Variants in VRK2 observed in about 807,000 individuals in gnomAD.
VRK2 encodes the protein VRK serine/threonine kinase 2, also known as serine/threonine-protein kinase VRK2.
VRK2 carries 60 observed loss-of-function variants against 57.6 expected under a neutral mutation model. The ratio of observed to expected loss-of-function variants is 1.04; its 90% confidence interval spans 0.85 to 1.29. The LOEUF is 1.29. Ranked by LOEUF, VRK2 falls within the 50% of genes most tolerant of loss-of-function variation. VRK2 has a pLI of 0.00. For synonymous variants in VRK2, 231 were observed against 199.2 expected, an observed-to-expected ratio of 1.16 and a Z score of -1.35; for missense variants, 705 against 588.1, an observed-to-expected ratio of 1.20 and a Z score of -2.06.
At chr2:58,072,426 G>C (rs754719369) in intron 2 of VRK2, among the ~76,000 whole-genome samples, 15 of 151,746 alleles carry the variant, frequency 9.9e-5, no homozygotes, top group Non-Finnish European at 1.9e-4. Context: ...TTTTTTTATC[G>C]AGTTGAGAAA....
At chr2:58,080,412 GTATT>G (rs1156703538) in intron 2 of VRK2, among the ~76,000 whole-genome samples, 2 of 151,944 alleles carry the variant, frequency 1.3e-5, no homozygotes, top group African/African-American at 4.8e-5. Context: ...TTGTTTCAAT[GTATT>G]TATTGTCTGC....
At chr2:58,102,464 A>G (rs1258897493) in intron 7 of VRK2, among the ~76,000 whole-genome samples, 1 of 150,744 alleles carries the variant, frequency 6.6e-6, no homozygotes, top group Non-Finnish European at 1.5e-5. Flanking sequence ...CTTGTATCAG[A>G]TAAAACAGGC....
chr2:58,150,195 C>T (rs1682789906), intron 12 of VRK2, among the ~76,000 whole-genome samples: 1 of 151,198 alleles, frequency 6.6e-6, no homozygotes, highest in African/African-American at 2.4e-5. Flanking sequence ...TAAGATTTGC[C>T]TTTCTTAAAT....
intron 7 of VRK2, among the ~76,000 whole-genome samples, chr2:58,119,797 A>C (rs1677147045): frequency 6.6e-6 from 1 of 151,638 alleles, no homozygotes; most frequent in South Asian, 2.1e-4. Flanking sequence ...ATATTTGTAT[A>C]AATATTTTGA....
In VRK2 at chr2:58,019,369, T is replaced by C. The variant is rs137995377; in HGVS notation, c.-438-6296T>C. On this transcript the variant is annotated intron_variant, in intron 1 of 15. Transcript: ENST00000417641. The stretch of plus-strand genomic sequence containing the variant: ...GCAGTGGTCCCATACATGTAAACAT[T>C]ATGCAATATTAACTTTAGCATTTAG... Among the ~76,000 whole-genome samples the C allele has an allele frequency of 1.0e-3, 155 of 152,308 alleles. 1 individual carries two copies. The highest frequency in any genetic ancestry group is 3.6e-3 in the African/African-American group (149 of 41,566).
intron 12 of VRK2, among the ~76,000 whole-genome samples, chr2:58,153,401 T>C (rs1683339478): frequency 6.6e-6 from 1 of 152,054 alleles, no homozygotes; most frequent in Non-Finnish European, 1.5e-5. Flanking sequence ...ATTTCTAATG[T>C]ACTAAGAGTT....
At chr2:58,032,153 T>C (rs1674130888) in intron 2 of VRK2, among the ~76,000 whole-genome samples, 1 of 152,102 alleles carries the variant, frequency 6.6e-6, no homozygotes. Context: ...GTTGTGGTTA[T>C]GAACAGACAG....
intron 7 of VRK2, among the ~76,000 whole-genome samples, chr2:58,116,721 C>T (rs1467150390): frequency 6.6e-6 from 1 of 152,176 alleles, no homozygotes; most frequent in Non-Finnish European, 1.5e-5. Flanking sequence ...GTCAGAGAGC[C>T]TTGGGCCAGA....
rs553426406 is a variant in VRK2, at chr2:58,067,193, C to T, written c.137-16896C>T. On this transcript the variant is annotated intron_variant, in intron 2 of 12. Transcript: ENST00000340157. The stretch of plus-strand genomic sequence containing the variant: ...GGTTTTTCAGGGGCTCTCGGGCCTT[C>T]AGCCACAGATTGAAGGCTGCACTGT... 5.3e-5 allele frequency among the ~76,000 whole-genome samples: 8 copies of T among 152,302 alleles called. No individual in the cohort carries two copies. The South Asian group carries it at 1.2e-3, about 24-fold the overall frequency.
chr2:58,074,449 A>G lies in VRK2; in HGVS notation c.137-9640A>G, dbSNP rs116365712. Among the ~76,000 whole-genome samples the G allele has an allele frequency of 4.3e-3, 656 of 152,040 alleles. 6 individuals are homozygous for G. The highest frequency in any genetic ancestry group is 0.015 in the African/African-American group (615 of 41,500). ...TTTTCTCTCCTTTCTTGGAGTATCA[A>G]TTCTTCTTTAGAAATTTTTAGTGGT... On this transcript the variant is annotated intron_variant, in intron 2 of 12. Coordinates refer to ENST00000340157, the MANE Select transcript of VRK2 (RefSeq NM_006296.7).
At chr2:58,147,256 G>A in intron 12 of VRK2, 1 of 496,012 alleles carries the variant, frequency 2.0e-6, no homozygotes, top group Non-Finnish European at 4.0e-6. Flanking sequence ...TAGTACTTAT[G>A]CATTCTTCAG....
chr2:57,921,504 A>G (rs1440526817), intron 1 of VRK2, among the ~76,000 whole-genome samples: 1 of 152,072 alleles, frequency 6.6e-6, no homozygotes, highest in African/African-American at 2.4e-5. Flanking sequence ...TCCTGAAAAC[A>G]TTGTTCTGAA....
chr2:58,059,601 ATATTT>A (rs1401208211), intron 2 of VRK2, among the ~76,000 whole-genome samples: 1 of 151,838 alleles, frequency 6.6e-6, no homozygotes, highest in African/African-American at 2.4e-5. Context: ...AGATACCACT[ATATTT>A]TAGTTATAAT....
Position 57,970,262 on chromosome 2 carries a change from G to T in VRK2, c.-438-55403G>T, listed in dbSNP as rs760607401. On this transcript the variant is annotated intron_variant, in intron 1 of 15. Coordinates refer to the VRK2 transcript ENST00000417641. The stretch of plus-strand genomic sequence containing the variant: ...TTCCACTAAAAAAAGTTCATTATAT[G>T]AGACTATTGTATGTTTTCCCCAAGT... 1.7e-3 allele frequency among the ~76,000 whole-genome samples: 251 copies of T among 150,158 alleles called. 1 individual carries two copies. The highest frequency in any genetic ancestry group is 1.8e-3 in the Non-Finnish European group (124 of 67,510).
intron 2 of VRK2, among the ~76,000 whole-genome samples, chr2:58,032,502 G>A (rs920798216): frequency 3.3e-5 from 5 of 152,008 alleles, no homozygotes; most frequent in Admixed American, 6.6e-5. Flanking sequence ...CTTATGATCT[G>A]ATCATCTTCC....
At chr2:57,980,457 T>C (rs1310955920) in intron 1 of VRK2, among the ~76,000 whole-genome samples, 1 of 152,214 alleles carries the variant, frequency 6.6e-6, no homozygotes, top group African/African-American at 2.4e-5. Context: ...TAGCAGAGCA[T>C]GTGGTCAACC....
chr2:57,935,726 A>G (rs1362553181), intron 1 of VRK2, among the ~76,000 whole-genome samples: 4 of 152,170 alleles, frequency 2.6e-5, no homozygotes. Context: ...ATAAAAAAGT[A>G]TACCTTTTGG....
Position 58,050,139 on chromosome 2 carries a change from G to T in VRK2, c.136+1172G>T, listed in dbSNP as rs139996439. Among the ~76,000 whole-genome samples, 78 of 151,946 alleles carry T rather than the reference G, an allele frequency of 5.1e-4. No homozygotes were observed. The East Asian group carries it at 0.014, about 27-fold the overall frequency. ...ACATATGTAGTTTAAAATTTTCTAG[G>T]AGCCACATTAAAATACGTTAAAAGA... On this transcript the variant is annotated intron_variant, in intron 2 of 12. Transcript: ENST00000340157.
chr2:58,008,750 T>C (rs1331013562), intron 1 of VRK2, among the ~76,000 whole-genome samples: 3 of 152,170 alleles, frequency 2.0e-5, no homozygotes, highest in Admixed American at 6.6e-5. Context: ...AGACTGGTTA[T>C]ATCTGATAAA....
Sources: allele counts gnomAD v4.1 joint callset (sites outside exome capture counted in the v4.1 genomes callset), GRCh38; gene constraint gnomAD v4.1.1; transcripts MANE v1.5; gene names NCBI Gene and HGNC (gene_info 2026-07-23, HGNC 2026-07-21).